Variants in DTNB observed in about 807,000 individuals in gnomAD.
The protein encoded by DTNB is DTN-B.
DTNB carries 63 observed loss-of-function variants against 90.7 expected under a neutral mutation model. The observed-to-expected ratio is 0.69, with a 90% confidence interval of 0.57 to 0.86. The LOEUF is 0.86. Ranked by LOEUF, DTNB falls within the 40% of genes least tolerant of loss-of-function variation. The probability of loss-of-function intolerance (pLI) is 0.00; values close to 1 mark genes in which losing one functional copy is unlikely to be tolerated. For synonymous variants in DTNB, 277 were observed against 286.7 expected (o/e 0.97, Z 0.34); for missense variants, 744 against 807.1 (o/e 0.92, Z 0.95).
At chr2:25,655,905 A>G (rs1019781272) in intron 1 of DTNB, among the ~76,000 whole-genome samples, 4 of 152,178 alleles carry the variant, frequency 2.6e-5, no homozygotes, top group Admixed American at 2.0e-4. Flanking sequence ...GAGATGGTAT[A>G]TAAATACTCC....
At chr2:25,466,552 C>A (rs903660353) in intron 10 of DTNB, among the ~76,000 whole-genome samples, 1 of 152,280 alleles carries the variant, frequency 6.6e-6, no homozygotes, top group Admixed American at 6.5e-5. Flanking sequence ...CAGGGGAGCT[C>A]CTGTGGCCGA....
chr2:25,617,775 G>A (rs778341581), intron 4 of DTNB, among the ~76,000 whole-genome samples: 3 of 152,136 alleles, frequency 2.0e-5, no homozygotes, highest in Non-Finnish European at 4.4e-5. Flanking sequence ...CTACATGGGA[G>A]GCTGAGGTAG....
chr2:25,670,558 G>A (rs2085595280), intron 1 of DTNB, among the ~76,000 whole-genome samples: 1 of 152,190 alleles, frequency 6.6e-6, no homozygotes, highest in Non-Finnish European at 1.5e-5. Context: ...CAGAGTTGCA[G>A]CACACAGTCA....
chr2:25,492,818 C>A (rs2067855616), intron 9 of DTNB, among the ~76,000 whole-genome samples: 1 of 151,936 alleles, frequency 6.6e-6, no homozygotes, highest in Non-Finnish European at 1.5e-5. Context: ...TCACTGCACT[C>A]CAGAGTGGGT....
chr2:25,501,809 G>A (rs1316753949), intron 9 of DTNB, among the ~76,000 whole-genome samples: 1 of 152,158 alleles, frequency 6.6e-6, no homozygotes, highest in Non-Finnish European at 1.5e-5. Context: ...TAAGAATCCT[G>A]AGTATTAAAT....
Position 25,580,919 on chromosome 2 carries a change from T to C in DTNB, c.604-93A>G, listed in dbSNP as rs1174877809. 90 of 1,011,446 alleles carry C rather than the reference T, an allele frequency of 8.9e-5. 1 individual carries two copies. In the South Asian group the frequency reaches 1.4e-3, roughly 16 times the overall value. The allele number at this position is 1,011,446 out of a possible 1,614,324, so 62.7% of individuals were successfully genotyped here. ...AGGATTTTTCCCATCCAAACTTTAG[T>C]GAATTACACGGTAAATTTTATAGCA... On this transcript the variant is annotated intron_variant, in intron 6 of 20. Transcript: ENST00000406818.
At chr2:25,554,189 C>A (rs2056880396) in intron 8 of DTNB, among the ~76,000 whole-genome samples, 1 of 152,134 alleles carries the variant, frequency 6.6e-6, no homozygotes, top group Non-Finnish European at 1.5e-5. Flanking sequence ...AAGCTTTGCT[C>A]CTAATTGGGC....
intron 8 of DTNB, among the ~76,000 whole-genome samples, chr2:25,564,067 A>C (rs2058652463): frequency 6.6e-6 from 1 of 151,844 alleles, no homozygotes; most frequent in African/African-American, 2.4e-5. Context: ...ACGCCCGGCT[A>C]ATTTTTTGTA....
intron 9 of DTNB, among the ~76,000 whole-genome samples, chr2:25,525,836 C>T (rs1253299380): frequency 1.3e-5 from 2 of 151,956 alleles, no homozygotes; most frequent in African/African-American, 2.4e-5. Flanking sequence ...GGAAGTGGAG[C>T]CACAGAAAGG....
At chr2:25,594,213 T>C (rs1239887121) in intron 6 of DTNB, among the ~76,000 whole-genome samples, 1 of 152,194 alleles carries the variant, frequency 6.6e-6, no homozygotes, top group African/African-American at 2.4e-5. Flanking sequence ...AAAATGCATA[T>C]TCGGGGGGGA....
At chr2:25,397,337 C>CAAA (rs749225408) in intron 16 of DTNB, among the ~76,000 whole-genome samples, 1 of 63,400 alleles carries the variant, frequency 1.6e-5, no homozygotes, top group Non-Finnish European at 3.3e-5. Flanking sequence ...GACTCTGTCT[C>CAAA]AAAAAAAAAA....
intron 6 of DTNB, among the ~76,000 whole-genome samples, chr2:25,581,684 C>T (rs2061573603): frequency 6.6e-6 from 1 of 152,268 alleles, no homozygotes; most frequent in South Asian, 2.1e-4. Flanking sequence ...ACAAATTCTC[C>T]ACAATATTTC....
intron 12 of DTNB, among the ~76,000 whole-genome samples, chr2:25,440,121 G>C (rs947598685): frequency 3.3e-5 from 5 of 152,152 alleles, no homozygotes; most frequent in Non-Finnish European, 5.9e-5. Context: ...AAAGCTGAAG[G>C]CCTCTTAATT....
intron 8 of DTNB, among the ~76,000 whole-genome samples, chr2:25,543,820 TTTG>T (rs1268256945): frequency 3.3e-5 from 5 of 152,236 alleles, no homozygotes; most frequent in African/African-American, 1.2e-4. Context: ...AGCAGCTACT[TTTG>T]TTGTTGCTGT....
At chr2:25,452,470 T>A (rs1215701973) in intron 11 of DTNB, among the ~76,000 whole-genome samples, 1 of 152,222 alleles carries the variant, frequency 6.6e-6, no homozygotes, top group African/African-American at 2.4e-5. Context: ...GACTGGCAGA[T>A]GCTTTAAGAC....
At chr2:25,453,991 T>A (rs1296677229) in intron 11 of DTNB, among the ~76,000 whole-genome samples, 1 of 151,678 alleles carries the variant, frequency 6.6e-6, no homozygotes, top group African/African-American at 2.4e-5. Flanking sequence ...ACTAAAAATA[T>A]ACAAAAAAAT....
chr2:25,505,969 ATGAAATCC>A (rs2072309079), intron 9 of DTNB, among the ~76,000 whole-genome samples: 1 of 152,244 alleles, frequency 6.6e-6, no homozygotes, highest in African/African-American at 2.4e-5. Flanking sequence ...GGTAAAAAGA[ATGAAATCC>A]TGGCATTTGA....
chr2:25,518,556 G>A (rs1008286084), intron 9 of DTNB, among the ~76,000 whole-genome samples: 1 of 150,498 alleles, frequency 6.6e-6, no homozygotes, highest in South Asian at 2.1e-4. Flanking sequence ...GTGAGTGCAA[G>A]TTCCCGTCTC....
At chr2:25,396,286 G>T (rs77212107) in intron 16 of DTNB, among the ~76,000 whole-genome samples, 1 of 152,104 alleles carries the variant, frequency 6.6e-6, no homozygotes, top group Non-Finnish European at 1.5e-5. Flanking sequence ...CAAGATGGGC[G>T]GATCACTTGA....
Sources: gnomAD v4.1 joint callset for allele counts (sites outside exome capture counted in the v4.1 genomes callset) on GRCh38, gnomAD v4.1.1 for gene constraint, MANE v1.5 for transcripts, NCBI Gene and HGNC (gene_info 2026-07-23, HGNC 2026-07-21) for gene names.